The following AKAP7 variants were observed in gnomAD, a reference collection of about 807,000 sequenced individuals.
The protein encoded by AKAP7 is A kinase (PRKA) anchor protein 7.
In AKAP7, 39 loss-of-function variants were observed where a neutral mutation model predicts 39.5. The ratio of observed to expected loss-of-function variants is 0.99; its 90% CI spans 0.76 to 1.29. The LOEUF (loss-of-function observed/expected upper bound fraction) is 1.29, where lower values mean the gene tolerates loss of function less well. Among genes scored for constraint, AKAP7 ranks in the 50% most tolerant of loss-of-function variants. The probability of loss-of-function intolerance (pLI) is 0.00; values close to 1 mark genes in which losing one functional copy is unlikely to be tolerated. For missense variants in AKAP7, 414 were observed against 407.7 expected (o/e 1.02, Z -0.13); for synonymous variants, 140 against 139.1 (o/e 1.01, Z -0.05).
chr6:131,250,802 A>G (rs989611129), intron 7 of AKAP7, among the ~76,000 whole-genome samples: 1 of 152,100 alleles, frequency 6.6e-6, no homozygotes, highest in Non-Finnish European at 1.5e-5. Flanking sequence ...AAGTACTGCA[A>G]CTCAGTAGAT....
chr6:131,189,519 C>T (rs184270954), intron 5 of AKAP7, among the ~76,000 whole-genome samples: 257 of 152,192 alleles, frequency 1.7e-3, no homozygotes, highest in African/African-American at 6.0e-3. Context: ...AGAAACATGA[C>T]TTTGTTAAAA....
At chr6:131,260,699 A>G (rs1362543253) in intron 7 of AKAP7, among the ~76,000 whole-genome samples, 1 of 152,022 alleles carries the variant, frequency 6.6e-6, no homozygotes, top group African/African-American at 2.4e-5. Flanking sequence ...GATTCTGGAT[A>G]TTAGCCCTTG....
At chr6:131,197,401 A>G (rs1186138010) in intron 5 of AKAP7, among the ~76,000 whole-genome samples, 5 of 152,052 alleles carry the variant, frequency 3.3e-5, no homozygotes, top group Admixed American at 3.3e-4. Context: ...ATTATTTTCC[A>G]TTGTAGTTGT....
At chr6:131,140,900 T>C (rs1399087066) in intron 1 of AKAP7, among the ~76,000 whole-genome samples, 1 of 152,214 alleles carries the variant, frequency 6.6e-6, no homozygotes, top group Non-Finnish European at 1.5e-5. Context: ...AAAGAGGCAT[T>C]TAACTTGTTC....
At chr6:131,185,010 T>C in intron 5 of AKAP7, 1 of 758,256 alleles carries the variant, frequency 1.3e-6, no homozygotes, top group Non-Finnish European at 2.5e-6. Context: ...CAGGAAGTCA[T>C]CTGGTTCTAG....
At chr6:131,161,785 T>G (rs1802993316) in intron 3 of AKAP7, among the ~76,000 whole-genome samples, 1 of 151,852 alleles carries the variant, frequency 6.6e-6, no homozygotes, top group African/African-American at 2.4e-5. Context: ...AAGTTTGGTT[T>G]GAAATTTAGG....
At chr6:131,136,341 G>C (rs1017470696) in intron 1 of AKAP7, among the ~76,000 whole-genome samples, 1 of 152,166 alleles carries the variant, frequency 6.6e-6, no homozygotes, top group African/African-American at 2.4e-5. Context: ...GAGCGAGTTA[G>C]GGGTGGACTT....
intron 5 of AKAP7, among the ~76,000 whole-genome samples, chr6:131,172,471 TAC>T (rs1235394880): frequency 6.6e-6 from 1 of 152,072 alleles, no homozygotes; most frequent in East Asian, 1.9e-4. Context: ...CTGCCTCAGC[TAC>T]AGGTGTGTGC....
chr6:131,194,763 A>G (rs1351346741), intron 5 of AKAP7, among the ~76,000 whole-genome samples: 5 of 152,152 alleles, frequency 3.3e-5, no homozygotes, highest in Non-Finnish European at 5.9e-5. Context: ...CTGTTGCTGA[A>G]TTGATCCCTA....
intron 2 of AKAP7, among the ~76,000 whole-genome samples, chr6:131,157,611 A>G (rs1802537570): frequency 6.6e-6 from 1 of 152,220 alleles, no homozygotes; most frequent in Non-Finnish European, 1.5e-5. Context: ...GATTTGCTGT[A>G]TTAAAACTCT....
chr6:131,180,944 T>C (rs1414964272), intron 5 of AKAP7, among the ~76,000 whole-genome samples: 3 of 152,094 alleles, frequency 2.0e-5, no homozygotes, highest in African/African-American at 4.8e-5. Flanking sequence ...CCTGACTCTC[T>C]GTTTAACTAT....
intron 7 of AKAP7, among the ~76,000 whole-genome samples, chr6:131,234,929 A>G (rs1810918415): frequency 6.6e-6 from 1 of 151,332 alleles, no homozygotes; most frequent in Non-Finnish European, 1.5e-5. Context: ...ATTATACTTT[A>G]CGTTTTAGGG....
intron 7 of AKAP7, among the ~76,000 whole-genome samples, chr6:131,262,116 A>G (rs751118573): frequency 5.3e-5 from 8 of 152,140 alleles, no homozygotes; most frequent in Admixed American, 3.3e-4. Context: ...TATTGTCTCT[A>G]AGGGAATGCA....
chr6:131,232,670 G>A (rs1322147645), intron 7 of AKAP7, among the ~76,000 whole-genome samples: 1 of 152,002 alleles, frequency 6.6e-6, no homozygotes, highest in East Asian at 1.9e-4. Context: ...AATTAGCCAG[G>A]CAATCCCAGC....
chr6:131,194,081 G>A (rs1806678072), intron 5 of AKAP7, among the ~76,000 whole-genome samples: 1 of 151,536 alleles, frequency 6.6e-6, no homozygotes. Flanking sequence ...ACTAATTTTG[G>A]GTTGGGTTTG....
intron 6 of AKAP7, among the ~76,000 whole-genome samples, chr6:131,216,391 A>G (rs1176561861): frequency 6.6e-6 from 1 of 152,214 alleles, no homozygotes; most frequent in African/African-American, 2.4e-5. Context: ...TCCTGAGTAA[A>G]TAATTTCCAT....
In AKAP7 at chr6:131,281,073, G is replaced by C. The variant is rs561417297; in HGVS notation, c.851-457G>C. ...GCATTTATTAACAACCAACCTATAGGCCAAGCATTTTTAAATTAGTGATCT... is the reference window on the plus strand; with the variant it reads ...GCATTTATTAACAACCAACCTATAGCCCAAGCATTTTTAAATTAGTGATCT... On this transcript the variant is annotated intron_variant, in intron 7 of 7. Transcript: ENST00000431975. This position sits in a 1 kb window ranked among gnomAD's most constrained non-coding sequence, Gnocchi z 4.0. 5.3e-5 allele frequency among the ~76,000 whole-genome samples: 8 copies of C among 152,256 alleles called. No individual in the cohort carries two copies. Among genetic ancestry groups the C allele is most frequent in the African/African-American group, 1.9e-4 (8 of 41,564 alleles).
At chr6:131,264,358 G>A (rs1813603982) in intron 7 of AKAP7, among the ~76,000 whole-genome samples, 1 of 152,130 alleles carries the variant, frequency 6.6e-6, no homozygotes, top group South Asian at 2.1e-4. Context: ...TATGTCTGCT[G>A]GAAGCCTTTT....
intron 1 of AKAP7, among the ~76,000 whole-genome samples, chr6:131,137,142 T>A (rs1584919212): frequency 6.6e-6 from 1 of 151,994 alleles, no homozygotes; most frequent in East Asian, 1.9e-4. Flanking sequence ...TTTGTATTTT[T>A]TTTTTTGTAG....
Sources: allele counts gnomAD v4.1 joint callset (sites outside exome capture counted in the v4.1 genomes callset), GRCh38; gene constraint gnomAD v4.1.1; non-coding constraint Gnocchi (gnomAD v3.1); transcripts MANE v1.5; gene names NCBI Gene and HGNC (gene_info 2026-07-23, HGNC 2026-07-21).